Variants in TRPC6 observed in about 807,000 individuals in gnomAD.
The protein encoded by TRPC6 is transient receptor potential cation channel subfamily C member 6, also known as short transient receptor potential channel 6.
TRPC6 carries 55 observed loss-of-function variants against 90.7 expected under a neutral mutation model. The observed-to-expected ratio is 0.61, with a 90% CI of 0.49 to 0.76. The LOEUF (loss-of-function observed/expected upper bound fraction) is 0.76. TRPC6 is among the 30% of genes least tolerant of loss of function. The pLI is 0.00. For synonymous variants in TRPC6, 393 were observed against 393.0 expected (o/e 1.00, Z 0.00); for missense variants, 989 against 1,122.7 (o/e 0.88, Z 1.70).
At chr11:101,583,178 G>T in intron 1 of TRPC6, 156 bp downstream of exon 1, 3 of 985,270 alleles carry the variant, frequency 3.0e-6, no homozygotes, top group Non-Finnish European at 3.6e-6. Context: ...CACTCACTCA[G>T]GTCCCAGCCC....
chr11:101,555,128 G>A (rs191244249), intron 1 of TRPC6, among the ~76,000 whole-genome samples: 1 of 152,260 alleles, frequency 6.6e-6, no homozygotes, highest in East Asian at 1.9e-4. Context: ...TCAGGCTTTG[G>A]GAGCTCATCC....
chr11:101,491,832 CATTCTTTTTT>C, intron 2 of TRPC6, 94 bp from the exon 3 acceptor site: 200 of 568,332 alleles, frequency 3.5e-4, no homozygotes, highest in Non-Finnish European at 5.0e-4. Flanking sequence ...TTAAGAGAAA[CATTCTTTTTT>C]TTTTTTTTTT....
chr11:101,453,735 A>G lies in TRPC6; in HGVS notation c.2569-10T>C, dbSNP rs1023850484. On this transcript the variant is annotated splice_polypyrimidine_tract_variant and intron_variant, in intron 11 of 12. Coordinates refer to ENST00000344327, the MANE Select transcript of TRPC6 (RefSeq NM_004621.6). ...GCCTTTTCATTATTTTCTAGAAAACAGAGAAAGGAGAAATCTATGTCAGTT... is the reference window on the plus strand; with the variant it reads ...GCCTTTTCATTATTTTCTAGAAAACGGAGAAAGGAGAAATCTATGTCAGTT... 5 of 1,609,732 alleles carry G rather than the reference A, an allele frequency of 3.1e-6. No homozygotes were observed. The East Asian group carries it at 8.9e-5, about 29-fold the overall frequency.
intron 9 of TRPC6, 56 bp downstream of exon 9, chr11:101,471,127 G>A: frequency 6.4e-7 from 1 of 1,552,896 alleles, no homozygotes; most frequent in Non-Finnish European, 8.9e-7. Flanking sequence ...GTGGCATAGT[G>A]GTTACAGTAG....
chr11:101,478,509 C>T (rs1196380967), intron 5 of TRPC6, among the ~76,000 whole-genome samples: 3 of 151,824 alleles, frequency 2.0e-5, no homozygotes, highest in African/African-American at 7.3e-5. Flanking sequence ...TTCTCTTTCT[C>T]TCTTTAAGAA....
In TRPC6 at chr11:101,483,172, C is replaced by T. The variant is rs1381867844; in HGVS notation, c.1294-7G>A. 1 of 1,613,842 alleles carries T rather than the reference C, an allele frequency of 6.2e-7. No individual in the cohort carries two copies. ...CACGCATTATCTTCCCCATCTGCCA[C>T]AACACACACCAAAATAAAATCTTAA... On this transcript the variant is annotated splice_region_variant and splice_polypyrimidine_tract_variant and intron_variant, in intron 4 of 12. Coordinates refer to ENST00000344327, the MANE Select transcript of TRPC6 (RefSeq NM_004621.6).
At chr11:101,495,898 G>T (rs1198412631) in intron 2 of TRPC6, among the ~76,000 whole-genome samples, 1 of 152,064 alleles carries the variant, frequency 6.6e-6, no homozygotes, top group Non-Finnish European at 1.5e-5. Context: ...CTTTCTCACA[G>T]TCAGCAATAG....
intron 2 of TRPC6, among the ~76,000 whole-genome samples, chr11:101,492,462 G>A (rs1265785394): frequency 6.6e-6 from 1 of 151,982 alleles, no homozygotes; most frequent in Non-Finnish European, 1.5e-5. Flanking sequence ...ATGTGTGCCT[G>A]TCAAGTCCCA....
chr11:101,559,791 C>T (rs60385781), intron 1 of TRPC6, among the ~76,000 whole-genome samples: 1 of 124,502 alleles, frequency 8.0e-6, no homozygotes, highest in Non-Finnish European at 1.7e-5. Flanking sequence ...CCCCTCCCCC[C>T]ACCCCACAAC....
At chr11:101,527,754 A>G (rs1489268300) in intron 1 of TRPC6, among the ~76,000 whole-genome samples, 2 of 152,026 alleles carry the variant, frequency 1.3e-5, no homozygotes, top group Non-Finnish European at 2.9e-5. Flanking sequence ...TAGTACAAAC[A>G]TTTTCTGGAA....
At chr11:101,528,989 A>T (rs908753529) in intron 1 of TRPC6, among the ~76,000 whole-genome samples, 4 of 152,072 alleles carry the variant, frequency 2.6e-5, no homozygotes, top group African/African-American at 4.8e-5. Flanking sequence ...AGACATGAAC[A>T]GTGGATAGAC....
intron 9 of TRPC6, among the ~76,000 whole-genome samples, chr11:101,470,939 C>T (rs569222167): frequency 6.6e-6 from 1 of 152,074 alleles, no homozygotes; most frequent in African/African-American, 2.4e-5. Context: ...TCAGTACCCA[C>T]TCCAGATAAC....
At chr11:101,463,187 G>A (rs1859050165) in intron 10 of TRPC6, among the ~76,000 whole-genome samples, 1 of 152,126 alleles carries the variant, frequency 6.6e-6, no homozygotes, top group African/African-American at 2.4e-5. Flanking sequence ...TAAGCTTTTT[G>A]ATGTGCTGCT....
Position 101,473,539 on chromosome 11 carries a change from A to G in TRPC6, c.1979T>C (p.Ile660Thr). Residue 660 changes from isoleucine to threonine, a missense_variant, in exon 7 of 13, where the codon ATT (isoleucine) becomes ACT (threonine). Ile to Thr is a moderately conservative substitution (Grantham distance 89). This residue lies in a region of TRPC6 where 118 missense variants were observed against 197.6 expected (regional missense o/e 0.60). Transcript: ENST00000344327. ...GAAGGCTTCATTTTGTTTTGCACCA[A>G]TGTAGTAGGAGTAGAGATTGAACAT... ...IGMFNLYSYY[I>T]GAKQNEAFTT... is the part of the protein sequence containing the mutation. The G allele has an allele frequency of 1.9e-6, 3 of 1,613,502 alleles. No individual in the cohort carries two copies. The highest frequency in any genetic ancestry group is 2.2e-5 in the East Asian group (1 of 44,816).
At chr11:101,494,140 G>A (rs1167357811) in intron 2 of TRPC6, among the ~76,000 whole-genome samples, 5 of 152,190 alleles carry the variant, frequency 3.3e-5, no homozygotes, top group Middle Eastern at 3.4e-3. Flanking sequence ...AGGGCCATGC[G>A]GACGAACTCT....
At position 101,469,514 on chromosome 11, in the gene TRPC6, G is replaced by GAT. The variant is rs1404615797; in HGVS notation, c.2410-15_2410-14dup. The GAT allele has an allele frequency of 2.7e-6, 2 of 749,452 alleles. No individual in the cohort carries two copies. Among genetic ancestry groups the GAT allele is most frequent in the African/African-American group, 3.4e-5 (2 of 58,408 alleles). The allele number at this position is 749,452 out of a possible 1,614,324, so 46.4% of individuals were successfully genotyped here. A position where few individuals can be genotyped will look rare whatever the true frequency, so the allele number is the denominator to read the frequency against. On this transcript the variant is annotated splice_polypyrimidine_tract_variant and intron_variant, in intron 9 of 12. Transcript: ENST00000344327. Reference sequence around the variant, plus strand: ...TTTCTTCATTTATCTTTTAAAGATAGATAGTAAAATGAGTATAACTGCATA... The same window carrying GAT: ...TTTCTTCATTTATCTTTTAAAGATAGATATAGTAAAATGAGTATAACTGCATA...
At chr11:101,459,438 T>G (rs969543643) in intron 10 of TRPC6, among the ~76,000 whole-genome samples, 5 of 152,214 alleles carry the variant, frequency 3.3e-5, no homozygotes, top group African/African-American at 1.2e-4. Flanking sequence ...ATCAACATTT[T>G]ATTCCAGACT....
At chr11:101,583,131 A>G in intron 1 of TRPC6, 2 of 981,182 alleles carry the variant, frequency 2.0e-6, no homozygotes, top group Non-Finnish European at 2.4e-6. Flanking sequence ...GAGCAAACCT[A>G]GACAACCCCG....
At chr11:101,552,021 T>C (rs1392227955) in intron 1 of TRPC6, among the ~76,000 whole-genome samples, 1 of 152,110 alleles carries the variant, frequency 6.6e-6, no homozygotes, top group Non-Finnish European at 1.5e-5. Context: ...TTAAAGGTTG[T>C]CCAACTTTGG....
Sources: allele counts gnomAD v4.1 joint callset (sites outside exome capture counted in the v4.1 genomes callset), GRCh38; gene constraint gnomAD v4.1.1; regional missense constraint gnomAD v4.1.1; transcripts MANE v1.5; gene names NCBI Gene and HGNC (gene_info 2026-07-23, HGNC 2026-07-21).